NAV2: variants seen among roughly 807,000 people sequenced by gnomAD.
The protein encoded by NAV2 is helicase, APC down-regulated 1.
A neutral mutation model predicts 223.2 loss-of-function variants in NAV2; 54 were observed. That is an observed-to-expected ratio of 0.24 (90% CI 0.19 to 0.30). The LOEUF is 0.30. Ranked by LOEUF, NAV2 falls within the 10% of genes least tolerant of loss-of-function variation. The pLI is 1.00. For synonymous variants in NAV2, 1,279 were observed against 1,239.3 expected, an observed-to-expected ratio of 1.03 and a Z score of -0.67; for missense variants, 2,806 against 3,147.5, an observed-to-expected ratio of 0.89 and a Z score of 2.60.
At chr11:19,499,889 C>G (rs546261488) in intron 1 of NAV2, among the ~76,000 whole-genome samples, 12 of 152,094 alleles carry the variant, frequency 7.9e-5, no homozygotes, top group Admixed American at 2.0e-4. Context: ...ATACAGTAGG[C>G]CCTTAATAAA....
intron 1 of NAV2, among the ~76,000 whole-genome samples, chr11:19,437,328 T>G (rs560305796): frequency 6.6e-6 from 1 of 152,282 alleles, no homozygotes; most frequent in East Asian, 1.9e-4. Context: ...TAATCTCTGC[T>G]TGATGACTGA....
intron 1 of NAV2, among the ~76,000 whole-genome samples, chr11:19,794,983 G>C (rs981540553): frequency 6.6e-6 from 1 of 152,166 alleles, no homozygotes; most frequent in African/African-American, 2.4e-5. Flanking sequence ...AAAAGGCCTA[G>C]CGGCATCTTT....
chr11:19,680,831 C>T (rs567043458), intron 1 of NAV2, among the ~76,000 whole-genome samples: 1 of 152,236 alleles, frequency 6.6e-6, no homozygotes, highest in East Asian at 1.9e-4. Flanking sequence ...CGTGAGAGAA[C>T]GGTAGGGGTC....
At chr11:19,694,292 A>G (rs1277515859) in intron 1 of NAV2, among the ~76,000 whole-genome samples, 1 of 152,180 alleles carries the variant, frequency 6.6e-6, no homozygotes, top group Non-Finnish European at 1.5e-5. Context: ...TGCAAGGCAA[A>G]TGAGCTGGGT....
intron 1 of NAV2, among the ~76,000 whole-genome samples, chr11:19,604,807 G>T (rs895599600): frequency 6.6e-6 from 1 of 152,094 alleles, no homozygotes; most frequent in South Asian, 2.1e-4. Flanking sequence ...AATTATGGGG[G>T]CGGGTCTTTC....
At position 20,118,537 on chromosome 11, in the gene NAV2, T is replaced by C. The variant is rs2063314966; in HGVS notation, c.*279T>C. ...TGTGACCTCCCTAAGACACTGAAGATACTTCTCGGGAAAGGATCATCGCCG... is the reference window on the plus strand; with the variant it reads ...TGTGACCTCCCTAAGACACTGAAGACACTTCTCGGGAAAGGATCATCGCCG... On this transcript the variant is annotated 3_prime_UTR_variant, in exon 38 of 38. Transcript: ENST00000349880. 1 of 271,554 alleles carries C rather than the reference T, an allele frequency of 3.7e-6. No homozygotes were observed. The highest frequency in any genetic ancestry group is 5.3e-5 in the Admixed American group (1 of 18,728). The allele number at this position is 271,554 out of a possible 1,614,324, so 16.8% of individuals were successfully genotyped here.
At chr11:19,920,719 C>A (rs1591248814) in intron 6 of NAV2, among the ~76,000 whole-genome samples, 1 of 152,272 alleles carries the variant, frequency 6.6e-6, no homozygotes, top group East Asian at 1.9e-4. Flanking sequence ...GATTACCAAG[C>A]CTTTAAGTTG....
chr11:19,706,171 A>C (rs1165289859), intron 1 of NAV2, among the ~76,000 whole-genome samples: 1 of 152,220 alleles, frequency 6.6e-6, no homozygotes, highest in Non-Finnish European at 1.5e-5. Flanking sequence ...AAGTAGTCAC[A>C]GTCTAAGTTT....
intron 1 of NAV2, among the ~76,000 whole-genome samples, chr11:19,424,573 C>A (rs1368830887): frequency 1.3e-5 from 2 of 152,112 alleles, no homozygotes; most frequent in Non-Finnish European, 2.9e-5. Flanking sequence ...TGTTTCGAGA[C>A]GGAGTCTTGC....
chr11:20,106,155 GTATATATA>G (rs1554968868), intron 35 of NAV2, among the ~76,000 whole-genome samples: 1 of 31,498 alleles, frequency 3.2e-5, no homozygotes, highest in Non-Finnish European at 1.0e-4. Context: ...GTGTGTGTGT[GTATATATA>G]TATATATATA....
At chr11:19,346,390 C>T, upstream of NAV2, among the ~76,000 whole-genome samples, 1 of 152,176 alleles carries the variant, frequency 6.6e-6, no homozygotes, top group East Asian at 1.9e-4. Flanking sequence ...GCCAGGCCTG[C>T]GGTTCCCCTG....
chr11:19,485,106 C>T (rs528396883), intron 1 of NAV2, among the ~76,000 whole-genome samples: 3 of 152,282 alleles, frequency 2.0e-5, no homozygotes, highest in East Asian at 3.9e-4. Context: ...GAACATATCA[C>T]AGGCAACTCC....
intron 11 of NAV2, among the ~76,000 whole-genome samples, chr11:20,005,290 G>C (rs1353688029): frequency 6.9e-6 from 1 of 144,434 alleles, no homozygotes; most frequent in Non-Finnish European, 1.5e-5. Context: ...TTGCTCTGTT[G>C]CCCAGGCTGG....
intron 1 of NAV2, among the ~76,000 whole-genome samples, chr11:19,753,841 T>C (rs956642710): frequency 1.3e-5 from 2 of 152,232 alleles, no homozygotes; most frequent in African/African-American, 4.8e-5. Flanking sequence ...GGGCAAAGCA[T>C]CTCACCTGTC....
At chr11:20,058,536 A>G (rs1005632303) in intron 19 of NAV2, among the ~76,000 whole-genome samples, 2 of 152,254 alleles carry the variant, frequency 1.3e-5, no homozygotes, top group African/African-American at 4.8e-5. Flanking sequence ...TGACTTCACC[A>G]ATCATCACTA....
At chr11:19,360,579 C>G (rs1237760704) in intron 1 of NAV2, among the ~76,000 whole-genome samples, 1 of 152,224 alleles carries the variant, frequency 6.6e-6, no homozygotes, top group East Asian at 1.9e-4. Context: ...AGTTCTTTGT[C>G]TGTCCCTGGG....
At chr11:20,064,111 G>GT (rs994149586) in intron 20 of NAV2, among the ~76,000 whole-genome samples, 12 of 152,280 alleles carry the variant, frequency 7.9e-5, no homozygotes, top group Middle Eastern at 3.4e-3. Flanking sequence ...TTGGAGAGAG[G>GT]TTTTTTAAGC....
chr11:19,720,868 AAT>A (rs1475193157), intron 1 of NAV2, among the ~76,000 whole-genome samples: 2 of 152,184 alleles, frequency 1.3e-5, no homozygotes, highest in Admixed American at 6.5e-5. Context: ...ACCTTCAACA[AAT>A]CACATTTTCT....
intron 8 of NAV2, among the ~76,000 whole-genome samples, chr11:19,941,519 A>G (rs578170594): frequency 7.5e-5 from 11 of 146,142 alleles, no homozygotes; most frequent in African/African-American, 1.8e-4. Context: ...TGGTAGGACT[A>G]TTTAGAAATG....
Sources: allele counts gnomAD v4.1 joint callset (sites outside exome capture counted in the v4.1 genomes callset), GRCh38; gene constraint gnomAD v4.1.1; transcripts MANE v1.5; gene names NCBI Gene and HGNC (gene_info 2026-07-23, HGNC 2026-07-21).